CTNND2: variants seen among roughly 807,000 people sequenced by gnomAD.
CTNND2 encodes the protein catenin delta-2.
A neutral mutation model predicts 144.4 loss-of-function variants in CTNND2; 22 were observed. That is an observed-to-expected ratio of 0.15 (90% CI 0.11 to 0.22). CTNND2 has a LOEUF of 0.22. CTNND2 is among the 10% of genes least tolerant of loss of function. The probability of loss-of-function intolerance (pLI) is 1.00; values close to 1 mark genes in which losing one functional copy is unlikely to be tolerated. For synonymous variants in CTNND2, 751 were observed against 695.6 expected, an observed-to-expected ratio of 1.08 and a Z score of -1.25; for missense variants, 1,353 against 1,618.8, an observed-to-expected ratio of 0.84 and a Z score of 2.82.
chr5:11,590,990 C>T (rs1484684270), intron 2 of CTNND2, among the ~76,000 whole-genome samples: 1 of 152,204 alleles, frequency 6.6e-6, no homozygotes, highest in Non-Finnish European at 1.5e-5. Context: ...TTCACCTTTA[C>T]TTAGGTATTG....
At chr5:11,425,244 AC>A (rs1391199278) in intron 3 of CTNND2, among the ~76,000 whole-genome samples, 3 of 152,224 alleles carry the variant, frequency 2.0e-5, no homozygotes, top group African/African-American at 7.2e-5. Context: ...AAGCATATTT[AC>A]TGAAGTTAGG....
chr5:11,612,598 T>C (rs1780385859), intron 2 of CTNND2, among the ~76,000 whole-genome samples: 1 of 152,192 alleles, frequency 6.6e-6, no homozygotes, highest in African/African-American at 2.4e-5. Flanking sequence ...CGATGCTTAC[T>C]ATTTCTAAAA....
intron 2 of CTNND2, among the ~76,000 whole-genome samples, chr5:11,599,656 G>A (rs138469330): frequency 1.7e-3 from 266 of 152,198 alleles, no homozygotes; most frequent in African/African-American, 6.1e-3. Context: ...TATTCATGAG[G>A]TCCACGTAGA....
chr5:11,138,887 C>G (rs1412191427), intron 12 of CTNND2, among the ~76,000 whole-genome samples: 1 of 152,158 alleles, frequency 6.6e-6, no homozygotes. Flanking sequence ...TCCTGCATGT[C>G]CATGCAGAAC....
intron 2 of CTNND2, among the ~76,000 whole-genome samples, chr5:11,684,348 C>T (rs567685142): frequency 2.8e-4 from 43 of 152,132 alleles, no homozygotes; most frequent in African/African-American, 7.0e-4. Context: ...ATGATCCACC[C>T]GCCTCGGCCT....
At chr5:11,105,731 T>C (rs1752356925) in intron 14 of CTNND2, among the ~76,000 whole-genome samples, 1 of 152,240 alleles carries the variant, frequency 6.6e-6, no homozygotes, top group South Asian at 2.1e-4. Flanking sequence ...GGTTCATCCA[T>C]GGATAATGGC....
At chr5:11,525,745 C>T (rs747618593) in intron 3 of CTNND2, among the ~76,000 whole-genome samples, 3 of 152,086 alleles carry the variant, frequency 2.0e-5, no homozygotes, top group Non-Finnish European at 2.9e-5. Context: ...CTACACAGTC[C>T]CAGTGTGAGT....
At chr5:11,659,721 G>A (rs751345038) in intron 2 of CTNND2, among the ~76,000 whole-genome samples, 17 of 152,228 alleles carry the variant, frequency 1.1e-4, no homozygotes, top group Admixed American at 3.9e-4. Flanking sequence ...TTAGGGCCTC[G>A]TGTTTTAATG....
chr5:11,895,723 T>C (rs1268923410), intron 1 of CTNND2, among the ~76,000 whole-genome samples: 1 of 152,094 alleles, frequency 6.6e-6, no homozygotes, highest in Non-Finnish European at 1.5e-5. Context: ...CAGAGTGACA[T>C]AATTACTATA....
intron 3 of CTNND2, among the ~76,000 whole-genome samples, chr5:11,486,476 A>G (rs1335723542): frequency 6.6e-6 from 1 of 152,202 alleles, no homozygotes; most frequent in Non-Finnish European, 1.5e-5. Flanking sequence ...GTAACTATTG[A>G]AATGGAAAGT....
At chr5:11,641,949 T>C (rs1782088142) in intron 2 of CTNND2, among the ~76,000 whole-genome samples, 1 of 152,160 alleles carries the variant, frequency 6.6e-6, no homozygotes, top group South Asian at 2.1e-4. Flanking sequence ...AAGCTGTTCA[T>C]TGATTCCATT....
chr5:11,292,923 A>G (rs982034876), intron 9 of CTNND2, among the ~76,000 whole-genome samples: 26 of 152,132 alleles, frequency 1.7e-4, no homozygotes, highest in African/African-American at 6.3e-4. Flanking sequence ...CAGCATCCAG[A>G]GCTGTGAGAC....
intron 18 of CTNND2, among the ~76,000 whole-genome samples, chr5:11,017,620 A>C (rs1409443501): frequency 2.8e-5 from 4 of 141,356 alleles, no homozygotes; most frequent in Non-Finnish European, 4.6e-5. Context: ...ATATATATAT[A>C]TTTCCAAAAT....
intron 1 of CTNND2, among the ~76,000 whole-genome samples, chr5:11,878,639 T>C (rs929179163): frequency 6.6e-6 from 1 of 152,176 alleles, no homozygotes; most frequent in Admixed American, 6.5e-5. Context: ...CAGTGTAAGA[T>C]CCACTGACCG....
chr5:11,649,283 C>T (rs1782526250), intron 2 of CTNND2, among the ~76,000 whole-genome samples: 1 of 152,118 alleles, frequency 6.6e-6, no homozygotes, highest in Admixed American at 6.6e-5. Context: ...CTGTAACATA[C>T]CACTTTCATT....
At chr5:11,292,322 G>C (rs1748434319) in intron 9 of CTNND2, among the ~76,000 whole-genome samples, 1 of 152,152 alleles carries the variant, frequency 6.6e-6, no homozygotes, top group South Asian at 2.1e-4. Context: ...TCATACTGGA[G>C]TAGGGTGGGC....
intron 16 of CTNND2, among the ~76,000 whole-genome samples, chr5:11,037,717 T>C (rs1339587410): frequency 6.6e-6 from 1 of 152,216 alleles, no homozygotes; most frequent in Non-Finnish European, 1.5e-5. Flanking sequence ...CAGGTTATGC[T>C]TATAAAGACT....
chr5:11,537,804 T>C (rs1314255541), intron 3 of CTNND2, among the ~76,000 whole-genome samples: 2 of 152,174 alleles, frequency 1.3e-5, no homozygotes, highest in African/African-American at 4.8e-5. Flanking sequence ...CATATAAAAA[T>C]ACAAGAAAAG....
chr5:11,468,689 T>G (rs1367023009), intron 3 of CTNND2, among the ~76,000 whole-genome samples: 1 of 152,212 alleles, frequency 6.6e-6, no homozygotes, highest in East Asian at 1.9e-4. Context: ...TTTCAAATTT[T>G]AGAGTCTCTT....
Sources: gnomAD v4.1 joint callset for allele counts (sites outside exome capture counted in the v4.1 genomes callset) on GRCh38, gnomAD v4.1.1 for gene constraint, MANE v1.5 for transcripts, NCBI Gene and HGNC (gene_info 2026-07-23, HGNC 2026-07-21) for gene names.